The following KHDC1 variants were observed in gnomAD, a reference collection of about 807,000 sequenced individuals.
KHDC1 encodes KH homology domain-containing protein 1.
KHDC1 carries 21 observed loss-of-function variants against 24.7 expected under a neutral mutation model. The observed-to-expected ratio is 0.85, with a 90% CI of 0.60 to 1.23. KHDC1 has a LOEUF of 1.23. KHDC1 is among the 50% of genes most tolerant of loss of function. The pLI is 0.00. For synonymous variants in KHDC1, 98 were observed against 111.7 expected, an observed-to-expected ratio of 0.88 and a Z score of 0.77; for missense variants, 274 against 298.5, an observed-to-expected ratio of 0.92 and a Z score of 0.61.
At chr6:73,254,963 T>C (rs751691812) in intron 2 of KHDC1, among the ~76,000 whole-genome samples, 3 of 151,012 alleles carry the variant, frequency 2.0e-5, no homozygotes, top group Non-Finnish European at 4.4e-5. Flanking sequence ...GATCGCGCCA[T>C]TGCACTCCAG....
At chr6:73,248,456 T>A (rs1050980950) in intron 2 of KHDC1, among the ~76,000 whole-genome samples, 2 of 152,076 alleles carry the variant, frequency 1.3e-5, no homozygotes, top group African/African-American at 4.8e-5. Context: ...CTCTCCCTCC[T>A]GGTTTTCTTT....
chr6:73,241,960 C>T, intron 4 of KHDC1, 95 bp downstream of exon 3: 2 of 1,357,668 alleles, frequency 1.5e-6, no homozygotes, highest in Non-Finnish European at 2.0e-6. Context: ...ATTCCCCAGC[C>T]ACACAAGGGA....
intron 2 of KHDC1, among the ~76,000 whole-genome samples, chr6:73,273,555 G>A (rs766990877): frequency 1.7e-4 from 25 of 151,360 alleles, no homozygotes; most frequent in Middle Eastern, 3.5e-3. Context: ...AGTGGCTCAC[G>A]CCTGTAGTCC....
intron 2 of KHDC1, among the ~76,000 whole-genome samples, chr6:73,278,393 A>T (rs1471245749): frequency 6.7e-6 from 1 of 149,832 alleles, no homozygotes; most frequent in African/African-American, 2.5e-5. Flanking sequence ...ACAACTTTTT[A>T]TTTTTTTATT....
At chr6:73,253,599 T>G (rs1266639308) in intron 2 of KHDC1, among the ~76,000 whole-genome samples, 1 of 150,926 alleles carries the variant, frequency 6.6e-6, no homozygotes, top group South Asian at 2.1e-4. Context: ...CAGGTTAACC[T>G]ATTAAAAATC....
intron 2 of KHDC1, among the ~76,000 whole-genome samples, chr6:73,287,419 C>T (rs902257673): frequency 6.6e-6 from 1 of 152,164 alleles, no homozygotes; most frequent in Admixed American, 6.5e-5. Flanking sequence ...AATACCTGGG[C>T]AGCCAACAAG....
At chr6:73,295,862 C>T (rs910254955) in intron 1 of KHDC1, among the ~76,000 whole-genome samples, 4 of 145,480 alleles carry the variant, frequency 2.7e-5, no homozygotes, top group Non-Finnish European at 6.0e-5. Flanking sequence ...AAAAAAAAGG[C>T]GGGGCACGGT....
intron 2 of KHDC1, chr6:73,290,457 T>C (rs1767625208): frequency 2.9e-6 from 1 of 349,636 alleles, no homozygotes; most frequent in African/African-American, 2.1e-5. Context: ...TAACTTTGAT[T>C]TCCAAATGGA....
intron 2 of KHDC1, among the ~76,000 whole-genome samples, chr6:73,245,333 T>G (rs1766647599): frequency 6.6e-6 from 1 of 152,214 alleles, no homozygotes; most frequent in South Asian, 2.1e-4. Context: ...TCCTTTGATT[T>G]TTAGAAGTCT....
At chr6:73,309,037 C>A (rs763235403) in intron 1 of KHDC1, among the ~76,000 whole-genome samples, 1 of 152,118 alleles carries the variant, frequency 6.6e-6, no homozygotes, top group Non-Finnish European at 1.5e-5. Context: ...GTTGGCCAGG[C>A]GGGTCTGAAA....
chr6:73,249,488 T>C (rs572482032), intron 2 of KHDC1, among the ~76,000 whole-genome samples: 1 of 152,318 alleles, frequency 6.6e-6, no homozygotes, highest in African/African-American at 2.4e-5. Context: ...AGTTGTCTAA[T>C]GCTAGTTATG....
intron 1 of KHDC1, among the ~76,000 whole-genome samples, chr6:73,298,799 A>G (rs1266876328): frequency 6.6e-6 from 1 of 152,036 alleles, no homozygotes; most frequent in Non-Finnish European, 1.5e-5. Flanking sequence ...ATGCAGTGGT[A>G]CAATCATAGC....
intron 1 of KHDC1, chr6:73,301,098 C>T (rs947734020): frequency 6.6e-6 from 1 of 152,196 alleles, no homozygotes; most frequent in Admixed American, 6.6e-5. Context: ...CGCCTGTAGT[C>T]CCAGCTACTC....
At chr6:73,290,275 C>CAAA in intron 2 of KHDC1, 1 of 149,112 alleles carries the variant, frequency 6.7e-6, no homozygotes, top group Non-Finnish European at 1.4e-5. Context: ...GACTTCATCC[C>CAAA]AAAAAAAAAA....
At chr6:73,263,233 G>T (rs1262922766) in intron 2 of KHDC1, 37 bp from the exon 1 acceptor site, 15 of 986,724 alleles carry the variant, frequency 1.5e-5, no homozygotes, top group Non-Finnish European at 1.6e-5. Flanking sequence ...GCTGCGGCGC[G>T]GGAAGCAACC....
chr6:73,247,474 A>C (rs1766688483), intron 2 of KHDC1, among the ~76,000 whole-genome samples: 1 of 152,134 alleles, frequency 6.6e-6, no homozygotes, highest in African/African-American at 2.4e-5. Flanking sequence ...CACAGCAGTT[A>C]CCCCAACCTG....
At chr6:73,251,690 A>T (rs535610770) in intron 2 of KHDC1, among the ~76,000 whole-genome samples, 67 of 152,312 alleles carry the variant, frequency 4.4e-4, no homozygotes, top group African/African-American at 1.6e-3. Flanking sequence ...CTAAAACCAT[A>T]GATTCAGCCA....
At chr6:73,263,040 G>A in intron 2 of KHDC1, 3 of 918,458 alleles carry the variant, frequency 3.3e-6, no homozygotes, top group Non-Finnish European at 3.8e-6. Flanking sequence ...CCCTGAGTAG[G>A]GCGGCGGCGG....
intron 1 of KHDC1, among the ~76,000 whole-genome samples, chr6:73,297,534 T>C (rs1181667068): frequency 6.6e-6 from 1 of 152,144 alleles, no homozygotes; most frequent in Non-Finnish European, 1.5e-5. Flanking sequence ...AAACGTAGAT[T>C]TGCTGTGTCA....
Sources: gnomAD v4.1 joint callset for allele counts (sites outside exome capture counted in the v4.1 genomes callset) on GRCh38, gnomAD v4.1.1 for gene constraint, MANE v1.5 for transcripts, NCBI Gene and HGNC (gene_info 2026-07-23, HGNC 2026-07-21) for gene names.